CTNNA1: variants seen among roughly 807,000 people sequenced by gnomAD.
CTNNA1 encodes catenin alpha-1.
Under a neutral mutation model 98.4 loss-of-function variants are expected in CTNNA1, and 37 were observed. The observed-to-expected ratio is 0.38, with a 90% CI of 0.29 to 0.49. The LOEUF (loss-of-function observed/expected upper bound fraction) is 0.49. CTNNA1 is among the 20% of genes least tolerant of loss of function. The pLI is 0.95. For synonymous variants in CTNNA1, 404 were observed against 413.2 expected, an observed-to-expected ratio of 0.98 and a Z score of 0.27; for missense variants, 761 against 1,147.2, an observed-to-expected ratio of 0.66 and a Z score of 4.86.
intron 5 of CTNNA1, among the ~76,000 whole-genome samples, chr5:138,824,090 A>G (rs1053435233): frequency 1.8e-4 from 28 of 151,880 alleles, no homozygotes; most frequent in Middle Eastern, 6.8e-3. Context: ...ACATATATCT[A>G]TATAGAGTTG....
At position 138,925,299 on chromosome 5, in the gene CTNNA1, C is replaced by T. The variant is rs1561758157; in HGVS notation, c.1791C>T (p.Ala597=). The part of the protein sequence containing the change: ...FTEQVEAAVE[A]LSSDPAQPMD... ...AGCAAGTAGAAGCAGCCGTGGAAGC[C>T]CTCAGCTCGGACCCTGCCCAGCCCA... The change falls in exon 13 of 18, where the codon GCC becomes GCT. Residue 597 remains alanine, a synonymous_variant. Transcript: ENST00000302763. The T allele has an allele frequency of 6.2e-7, 1 of 1,614,098 alleles. No homozygotes were observed. The highest frequency in any genetic ancestry group is 8.5e-7 in the Non-Finnish European group (1 of 1,180,016).
chr5:138,839,092 A>G (rs967545171), intron 7 of CTNNA1, among the ~76,000 whole-genome samples: 4 of 152,204 alleles, frequency 2.6e-5, no homozygotes, highest in Non-Finnish European at 5.9e-5. Flanking sequence ...CTAATTCCAT[A>G]TGGTCAGAGA....
At chr5:138,787,795 A>T (rs997109609) in intron 3 of CTNNA1, among the ~76,000 whole-genome samples, 3 of 152,250 alleles carry the variant, frequency 2.0e-5, no homozygotes, top group African/African-American at 7.2e-5. Context: ...TGATTACATA[A>T]ATAATGAATA....
intron 3 of CTNNA1, among the ~76,000 whole-genome samples, chr5:138,783,758 A>G (rs1260436307): frequency 6.6e-6 from 1 of 152,200 alleles, no homozygotes; most frequent in Non-Finnish European, 1.5e-5. Context: ...ATCCTGTGTA[A>G]TACTTCTTTT....
rs1753580478 is a variant in CTNNA1 at position 138,771,752 on chromosome 5, A to C, written c.-2-10171A>C. ...AGTTGAGGTTCCAAAGGCTGTGTTA[A>C]CTCTGCTTGATGCAGATGCAAGCTG... is the stretch of plus-strand genomic sequence containing the variant. On this transcript the variant is annotated intron_variant, in intron 1 of 17. Coordinates refer to ENST00000302763, the MANE Select transcript of CTNNA1 (RefSeq NM_001903.5). 2.6e-5 allele frequency among the ~76,000 whole-genome samples: 4 copies of C among 152,270 alleles called. No individual in the cohort carries two copies. In the South Asian group the frequency reaches 8.3e-4, roughly 32 times the overall value.
chr5:138,880,572 C>G (rs1337096618), intron 7 of CTNNA1: 1 of 156,092 alleles, frequency 6.4e-6, no homozygotes, highest in Non-Finnish European at 1.4e-5. Flanking sequence ...TAGCATGCTT[C>G]ATCTTTTATT....
intron 3 of CTNNA1, 95 bp from the exon 4 acceptor site, chr5:138,809,943 A>G (rs1758501063): frequency 1.4e-6 from 2 of 1,418,022 alleles, no homozygotes; most frequent in African/African-American, 1.4e-5. Flanking sequence ...TGTGCATGAA[A>G]TATACAAAGT....
At chr5:138,759,228 C>G (rs746041090) in intron 1 of CTNNA1, among the ~76,000 whole-genome samples, 6 of 152,180 alleles carry the variant, frequency 3.9e-5, no homozygotes, top group South Asian at 2.1e-4. Flanking sequence ...TAATGATGTG[C>G]TAACTCTGAA....
chr5:138,793,367 G>T (rs374666583), intron 3 of CTNNA1, among the ~76,000 whole-genome samples: 1 of 152,166 alleles, frequency 6.6e-6, no homozygotes, highest in Non-Finnish European at 1.5e-5. Flanking sequence ...ATGCTGCTTT[G>T]CAGAGACTTG....
chr5:138,862,983 T>C (rs1454467140), intron 7 of CTNNA1, among the ~76,000 whole-genome samples: 1 of 152,206 alleles, frequency 6.6e-6, no homozygotes, highest in African/African-American at 2.4e-5. Flanking sequence ...CAGGACTTTA[T>C]GTGAATAAAT....
intron 1 of CTNNA1, among the ~76,000 whole-genome samples, chr5:138,770,747 G>T (rs6866334): frequency 0.74 from 112,672 of 151,918 alleles, 42,031 homozygotes; most frequent in East Asian, 0.99. Context: ...GGTCAGGAGA[G>T]TGAGACCCTC....
intron 10 of CTNNA1, among the ~76,000 whole-genome samples, chr5:138,910,614 G>A (rs996415821): frequency 1.1e-4 from 16 of 151,988 alleles, no homozygotes; most frequent in African/African-American, 1.7e-4. Flanking sequence ...AATTTCCCTC[G>A]AAGCACTGTT....
chr5:138,887,423 TA>T (rs1754314218), intron 8 of CTNNA1, 66 bp from the exon 9 acceptor site: 2 of 1,231,470 alleles, frequency 1.6e-6, no homozygotes, highest in African/African-American at 1.5e-5. Context: ...TACAAGAGAA[TA>T]AAAAGCAATC....
chr5:138,921,273 C>CT (rs1350791962), intron 11 of CTNNA1, among the ~76,000 whole-genome samples: 1 of 152,186 alleles, frequency 6.6e-6, no homozygotes, highest in African/African-American at 2.4e-5. Flanking sequence ...ATTCTCTGTG[C>CT]TTACATGTTG....
chr5:138,831,557 A>T lies in CTNNA1; in HGVS notation c.1062+3839A>T, dbSNP rs761245291. On this transcript the variant is annotated intron_variant, in intron 7 of 17. Coordinates refer to ENST00000302763, the MANE Select transcript of CTNNA1 (RefSeq NM_001903.5). ...GGGCATTGTTCATTATGTTCTGGAA[A>T]TTCCCTTCCTACCTATGTAAACCTA... 2.6e-5 allele frequency among the ~76,000 whole-genome samples: 4 copies of T among 151,992 alleles called. 1 individual carries two copies. Among genetic ancestry groups the T allele is most frequent in the Non-Finnish European group, 5.9e-5 (4 of 67,972 alleles).
At chr5:138,877,285 T>C (rs905103770) in intron 7 of CTNNA1, among the ~76,000 whole-genome samples, 5 of 152,352 alleles carry the variant, frequency 3.3e-5, no homozygotes, top group African/African-American at 1.2e-4. Flanking sequence ...ATAAACTGTC[T>C]TGTGAAATTT....
Position 138,934,112 on chromosome 5 carries a change from C to T in CTNNA1, c.*23C>T. 6.9e-6 allele frequency: 11 copies of T among 1,587,446 alleles called. No homozygotes were observed. Among genetic ancestry groups the T allele is most frequent in the Non-Finnish European group, 9.5e-6 (11 of 1,163,234 alleles). On this transcript the variant is annotated 3_prime_UTR_variant, in exon 18 of 18. Transcript: ENST00000302763. Reference sequence around the variant, plus strand: ...TAAGTCTGCCCAGGCCGGCCGCCCCCACCCCTCGGGGCTCCTGAATATCAG... The same window carrying T: ...TAAGTCTGCCCAGGCCGGCCGCCCCTACCCCTCGGGGCTCCTGAATATCAG...
chr5:138,772,738 G>A (rs1305774037), intron 1 of CTNNA1, among the ~76,000 whole-genome samples: 7 of 152,178 alleles, frequency 4.6e-5, no homozygotes, highest in Non-Finnish European at 1.0e-4. Flanking sequence ...CAATTCAATG[G>A]CTGTTGAGTG....
At chr5:138,920,875 C>G (rs1225806263) in intron 11 of CTNNA1, among the ~76,000 whole-genome samples, 2 of 152,156 alleles carry the variant, frequency 1.3e-5, no homozygotes, top group Non-Finnish European at 2.9e-5. Flanking sequence ...TGATTTGTGG[C>G]TCAAAAAGTA....
Sources: allele counts gnomAD v4.1 joint callset (sites outside exome capture counted in the v4.1 genomes callset), GRCh38; gene constraint gnomAD v4.1.1; transcripts MANE v1.5; gene names NCBI Gene and HGNC (gene_info 2026-07-23, HGNC 2026-07-21).